The following ZMYND8 variants were observed in gnomAD, a reference collection of about 807,000 sequenced individuals.
The protein encoded by ZMYND8 is zinc finger MYND-type containing 8.
A neutral mutation model predicts 140.8 loss-of-function variants in ZMYND8; 37 were observed. The observed-to-expected ratio is 0.26, with a 90% CI of 0.20 to 0.35. ZMYND8 has a LOEUF of 0.35. Ranked by LOEUF, ZMYND8 falls within the 10% of genes least tolerant of loss-of-function variation. ZMYND8 has a pLI of 1.00. For missense variants in ZMYND8, 1,068 were observed against 1,570.0 expected, an observed-to-expected ratio of 0.68 and a Z score of 5.40; for synonymous variants, 592 against 597.1, an observed-to-expected ratio of 0.99 and a Z score of 0.12.
At chr20:47,275,490 TCTC>T in intron 11 of ZMYND8, among the ~76,000 whole-genome samples, 1 of 128,342 alleles carries the variant, frequency 7.8e-6, no homozygotes. Context: ...CGAGACTATG[TCTC>T]CAAAAAAAAA....
rs2294560 is a variant in ZMYND8, at chr20:47,262,445, T to C, written c.1481-17A>G. 478,950 of 1,613,266 alleles carry C rather than the reference T, an allele frequency of 0.3. 74,334 individuals are homozygous for C. The highest frequency in any genetic ancestry group is 0.32 in the Non-Finnish European group (381,130 of 1,179,494). On this transcript the variant is annotated splice_polypyrimidine_tract_variant and intron_variant, in intron 11 of 22. Transcript: ENST00000471951. ...CTGGTGAAGCTGAAAAAGTATGGCA[T>C]TGTTAAAAGACAGGTTTACAAATAA...
At chr20:47,355,999 T>C (rs185142106) in intron 1 of ZMYND8, among the ~76,000 whole-genome samples, 119 of 152,098 alleles carry the variant, frequency 7.8e-4, no homozygotes, top group African/African-American at 2.7e-3. Flanking sequence ...AGAAGCTCTG[T>C]AGAATAAGAG....
At chr20:47,294,558 G>C (rs868036490) in intron 5 of ZMYND8, 108 bp downstream of exon 5, 1 of 967,582 alleles carries the variant, frequency 1.0e-6, no homozygotes, top group Admixed American at 2.1e-5. Flanking sequence ...GGGGATGCAA[G>C]GAGGCCCAAA....
chr20:47,276,924 A>C, intron 10 of ZMYND8, 129 bp from the exon 11 acceptor site: 2 of 1,027,538 alleles, frequency 1.9e-6, no homozygotes, highest in Non-Finnish European at 2.6e-6. Flanking sequence ...AAAAAAAAAA[A>C]AAAAACTTGG....
At chr20:47,279,637 TGACCCTAG>T (rs1037116715) in intron 10 of ZMYND8, among the ~76,000 whole-genome samples, 9 of 152,158 alleles carry the variant, frequency 5.9e-5, no homozygotes, top group African/African-American at 2.2e-4. Context: ...CCTAGCTATG[TGACCCTAG>T]GCACTCTCTG....
At chr20:47,349,494 C>G (rs1332002494) in intron 1 of ZMYND8, among the ~76,000 whole-genome samples, 1 of 152,332 alleles carries the variant, frequency 6.6e-6, no homozygotes, top group African/African-American at 2.4e-5. Context: ...CTAATGCTTT[C>G]TATTCCAACT....
chr20:47,268,069 T>G (rs1473943281), intron 11 of ZMYND8, among the ~76,000 whole-genome samples: 1 of 152,130 alleles, frequency 6.6e-6, no homozygotes, highest in African/African-American at 2.4e-5. Flanking sequence ...GCTTATCAGG[T>G]GCATAATACA....
At position 47,276,704 on chromosome 20, in the gene ZMYND8, G is replaced by T; in HGVS notation, c.1090C>A (p.Gln364Lys). 6.2e-7 allele frequency: 1 copy of T among 1,613,970 alleles called. No individual in the cohort carries two copies. Among genetic ancestry groups the T allele is most frequent in the Non-Finnish European group, 8.5e-7 (1 of 1,179,996 alleles). ...TTCTCCACGTAAACCTCCATCTCTT[G>T]CATGGCACTGTTGAAGATGCTCTTA... Reference protein sequence around the residue: ...KTKSIFNSAMQEMEVYVENIR... With the variant: ...KTKSIFNSAMKEMEVYVENIR... Residue 364 changes from glutamine to lysine, a missense_variant, in exon 11 of 23, where the codon CAA becomes AAA. By Grantham distance (53) the Gln-to-Lys change is moderately conservative. Transcript: ENST00000471951.
chr20:47,234,928 C>A (rs1430600431), intron 16 of ZMYND8, among the ~76,000 whole-genome samples: 1 of 151,960 alleles, frequency 6.6e-6, no homozygotes, highest in Non-Finnish European at 1.5e-5. Flanking sequence ...TCACTTGAGG[C>A]CAGGAGTTTG....
chr20:47,242,435 A>G (rs139394054), intron 14 of ZMYND8, among the ~76,000 whole-genome samples: 1 of 152,220 alleles, frequency 6.6e-6, no homozygotes, highest in Non-Finnish European at 1.5e-5. Context: ...CGCCTCTTCC[A>G]GGTGGAGATG....
chr20:47,316,202 G>A (rs2079382594), intron 2 of ZMYND8, among the ~76,000 whole-genome samples: 1 of 151,876 alleles, frequency 6.6e-6, no homozygotes, highest in African/African-American at 2.4e-5. Flanking sequence ...GTGATGGTGA[G>A]CACCTATAAT....
At chr20:47,347,006 G>A (rs1254293915) in intron 2 of ZMYND8, among the ~76,000 whole-genome samples, 1 of 152,134 alleles carries the variant, frequency 6.6e-6, no homozygotes, top group Non-Finnish European at 1.5e-5. Context: ...TCTCCTTCCG[G>A]CAGTATGCAG....
Position 47,276,355 on chromosome 20 carries a change from C to T in ZMYND8, c.1439G>A (p.Ser480Asn). 2 of 1,597,902 alleles carry T rather than the reference C, an allele frequency of 1.3e-6. No individual in the cohort carries two copies. The highest frequency in any genetic ancestry group is 8.6e-7 in the Non-Finnish European group (1 of 1,167,982). Residue 480 changes from serine (S) to asparagine (N), a missense_variant, in exon 11 of 23, where the codon AGT (serine) becomes AAT (asparagine). By Grantham distance (46) the Ser-to-Asn change is conservative (BLOSUM62 1). Around this residue, in one of 10 missense-constraint regions of ZMYND8, gnomAD observed 173 missense variants for 223.3 expected, o/e 0.77. Coordinates refer to ENST00000471951, the MANE Select transcript of ZMYND8 (RefSeq NM_001281775.3). ...AEKKATSSHFSASEESMDFLD... is the reference protein window; with the variant it reads ...AEKKATSSHFNASEESMDFLD... ...GAAGTCCATGGACTCCTCGCTCGCACTGAAGTGGCTCGACGTGGCCTTCTT... is the reference window on the plus strand; with the variant it reads ...GAAGTCCATGGACTCCTCGCTCGCATTGAAGTGGCTCGACGTGGCCTTCTT...
intron 3 of ZMYND8, among the ~76,000 whole-genome samples, chr20:47,301,162 T>C (rs1179630492): frequency 1.3e-5 from 2 of 151,200 alleles, no homozygotes; most frequent in East Asian, 3.9e-4. Flanking sequence ...ATTCTTTTTT[T>C]TTTTTTTTTG....
chr20:47,352,665 G>T, intron 1 of ZMYND8: 2 of 489,760 alleles, frequency 4.1e-6, no homozygotes, highest in Non-Finnish European at 5.3e-6. Context: ...CTGCTTTTTA[G>T]CTCCAGGGGA....
chr20:47,244,448 G>T (rs1479421681), intron 14 of ZMYND8, among the ~76,000 whole-genome samples: 1 of 152,176 alleles, frequency 6.6e-6, no homozygotes, highest in African/African-American at 2.4e-5. Context: ...TTGTCAGTGG[G>T]AAGGACATCC....
intron 1 of ZMYND8, among the ~76,000 whole-genome samples, chr20:47,350,572 G>A (rs2082704345): frequency 6.6e-6 from 1 of 151,774 alleles, no homozygotes; most frequent in South Asian, 2.1e-4. Flanking sequence ...TGTCTGAATT[G>A]CCCCACTGAT....
chr20:47,221,507 A>G, intron 19 of ZMYND8, 33 bp from the exon 20 acceptor site: 1 of 1,608,300 alleles, frequency 6.2e-7, no homozygotes. Flanking sequence ...GACGCCACAT[A>G]TACACAGAGT....
chr20:47,349,663 A>G (rs2082612333), intron 1 of ZMYND8, among the ~76,000 whole-genome samples: 1 of 152,200 alleles, frequency 6.6e-6, no homozygotes, highest in African/African-American at 2.4e-5. Context: ...GTTAACTTCA[A>G]AGGAACAAAT....
Sources: gnomAD v4.1 joint callset for allele counts (sites outside exome capture counted in the v4.1 genomes callset) on GRCh38, gnomAD v4.1.1 for gene constraint, gnomAD v4.1.1 regional missense constraint, MANE v1.5 for transcripts, NCBI Gene and HGNC (gene_info 2026-07-23, HGNC 2026-07-21) for gene names.